GOLM1: variants seen among roughly 807,000 people sequenced by gnomAD.
GOLM1 encodes golgi membrane protein 1.
A neutral mutation model predicts 50.5 loss-of-function variants in GOLM1; 31 were observed. The observed-to-expected ratio is 0.61, with a 90% CI of 0.46 to 0.83. The LOEUF (loss-of-function observed/expected upper bound fraction) is 0.83. Ranked by LOEUF, GOLM1 falls within the 40% of genes least tolerant of loss-of-function variation. The pLI is 0.00. For missense variants in GOLM1, 491 were observed against 501.3 expected, an observed-to-expected ratio of 0.98 and a Z score of 0.20; for synonymous variants, 178 against 192.8, an observed-to-expected ratio of 0.92 and a Z score of 0.64.
intron 3 of GOLM1, among the ~76,000 whole-genome samples, chr9:86,061,135 C>T (rs1315972768): frequency 1.3e-5 from 2 of 152,170 alleles, no homozygotes; most frequent in African/African-American, 4.8e-5. Flanking sequence ...CACTGGGTCA[C>T]TCTGTCTACC....
chr9:86,083,853 A>G (rs1834866207), intron 1 of GOLM1, among the ~76,000 whole-genome samples: 2 of 152,202 alleles, frequency 1.3e-5, no homozygotes, highest in Admixed American at 6.5e-5. Flanking sequence ...CTTTTCCAGC[A>G]ACAAAACCTG....
At chr9:86,079,109 C>T in intron 2 of GOLM1, 83 bp downstream of exon 2, 1 of 1,294,270 alleles carries the variant, frequency 7.7e-7, no homozygotes. Context: ...TGGCAATAAA[C>T]AACAAACCCC....
At chr9:86,058,560 GT>G (rs1274702189) in intron 3 of GOLM1, among the ~76,000 whole-genome samples, 1 of 151,956 alleles carries the variant, frequency 6.6e-6, no homozygotes, top group African/African-American at 2.4e-5. Flanking sequence ...GCCAGGCATG[GT>G]GGTATGTGCC....
At chr9:86,079,071 G>C in intron 2 of GOLM1, 121 bp downstream of exon 2, 1 of 838,946 alleles carries the variant, frequency 1.2e-6, no homozygotes, top group Non-Finnish European at 1.8e-6. Flanking sequence ...CACCTTACAA[G>C]CGTGTGCCCT....
intron 1 of GOLM1, among the ~76,000 whole-genome samples, chr9:86,092,086 C>T (rs1046708975): frequency 6.6e-6 from 1 of 152,196 alleles, no homozygotes; most frequent in Admixed American, 6.5e-5. Flanking sequence ...ACCCCACAAC[C>T]ATGTCTGACC....
rs567536583 is a variant in GOLM1 at position 86,098,842 on chromosome 9, C to T, written c.-22+569G>A. Reference sequence around the variant, plus strand: ...ACGGGATGCAGCCGCGCTCTGGACGCGCGGCGGGAGGACCCGGAGCCCAAG... The same window carrying T: ...ACGGGATGCAGCCGCGCTCTGGACGTGCGGCGGGAGGACCCGGAGCCCAAG... On this transcript the variant is annotated intron_variant, in intron 1 of 9. Coordinates refer to ENST00000388712, the MANE Select transcript of GOLM1 (RefSeq NM_016548.4). Among the ~76,000 whole-genome samples the T allele has an allele frequency of 3.1e-3, 466 of 152,276 alleles. 3 individuals are homozygous for T. The highest frequency in any genetic ancestry group is 6.6e-3 in the Admixed American group (101 of 15,308).
intron 6 of GOLM1, among the ~76,000 whole-genome samples, chr9:86,038,870 T>G (rs976420190): frequency 1.3e-4 from 20 of 152,076 alleles, no homozygotes; most frequent in African/African-American, 4.8e-4. Context: ...ACAGTAAATC[T>G]TCAAGATCTT....
Position 86,035,517 on chromosome 9 carries a change from C to T in GOLM1, c.866G>A (p.Gly289Asp). The T allele has an allele frequency of 6.2e-7, 1 of 1,612,616 alleles. No individual in the cohort carries two copies. Among genetic ancestry groups the T allele is most frequent in the Non-Finnish European group, 8.5e-7 (1 of 1,179,998 alleles). The change falls in exon 8 of 10, where the codon GGC becomes GAC. Residue 289 changes from glycine to aspartate, a missense_variant. Coordinates refer to ENST00000388712, the MANE Select transcript of GOLM1 (RefSeq NM_016548.4). ...GCCCAGTTCTCCGGCTCCCCCGAAGCCTCTTCCACCTACAGGTCTGTCTTC... is the reference window on the plus strand; with the variant it reads ...GCCCAGTTCTCCGGCTCCCCCGAAGTCTCTTCCACCTACAGGTCTGTCTTC... ...VVEDRPVGGR[G>D]FGGAGELGQT... is the part of the protein sequence containing the mutation.
chr9:86,078,479 G>A (rs1009048090), intron 2 of GOLM1, among the ~76,000 whole-genome samples: 1 of 152,126 alleles, frequency 6.6e-6, no homozygotes, highest in African/African-American at 2.4e-5. Context: ...CACAGGCCAA[G>A]GACTTAGACA....
At chr9:86,052,613 A>G in intron 3 of GOLM1, 22 bp from the exon 4 acceptor site, 1 of 1,609,222 alleles carries the variant, frequency 6.2e-7, no homozygotes, top group East Asian at 2.2e-5. Flanking sequence ...ATAAACTCGC[A>G]TGAAACACCC....
At chr9:86,044,806 A>T (rs1463652461) in intron 5 of GOLM1, among the ~76,000 whole-genome samples, 2 of 151,920 alleles carry the variant, frequency 1.3e-5, no homozygotes, top group Non-Finnish European at 2.9e-5. Flanking sequence ...ACAAAAATTA[A>T]CCAGGTGTGG....
chr9:86,056,824 A>G (rs1834007351), intron 3 of GOLM1, among the ~76,000 whole-genome samples: 2 of 151,346 alleles, frequency 1.3e-5, no homozygotes, highest in South Asian at 4.2e-4. Context: ...TTTTTAAGAG[A>G]CAGTCTCACT....
At chr9:86,071,398 G>C (rs761291844) in intron 3 of GOLM1, among the ~76,000 whole-genome samples, 2 of 152,008 alleles carry the variant, frequency 1.3e-5, no homozygotes, top group African/African-American at 2.4e-5. Context: ...AACAATGGTG[G>C]TCAGGCATGG....
chr9:86,033,271 C>T lies in GOLM1; in HGVS notation c.1129+11G>A, dbSNP rs1833037351. On this transcript the variant is annotated intron_variant, in intron 9 of 9. Coordinates refer to ENST00000388712, the MANE Select transcript of GOLM1 (RefSeq NM_016548.4). The stretch of plus-strand genomic sequence containing the variant: ...AGGTGACCTCGTCACCGATGTAGGC[C>T]CCATTCTTACCATCTATGTTTCTGT... 2.1e-6 allele frequency: 3 copies of T among 1,432,830 alleles called. No homozygotes were observed. The highest frequency in any genetic ancestry group is 1.7e-5 in the Admixed American group (1 of 59,762). 88.8% of individuals were successfully genotyped at this position (1,432,830 alleles called of 1,614,324 possible).
At chr9:86,046,843 G>T (rs1190840225) in intron 4 of GOLM1, among the ~76,000 whole-genome samples, 1 of 152,164 alleles carries the variant, frequency 6.6e-6, no homozygotes, top group African/African-American at 2.4e-5. Context: ...CTTTTTGGCC[G>T]CTAGCCTTTA....
chr9:86,026,587 C>G lies in GOLM1; in HGVS notation c.*1230G>C, dbSNP rs549592571. 25 of 966,110 alleles carry G rather than the reference C, an allele frequency of 2.6e-5. No homozygotes were observed. In the South Asian group the frequency reaches 1.2e-3, roughly 44 times the overall value. The allele number at this position is 966,110 out of a possible 1,614,324, so 59.8% of individuals were successfully genotyped here. On this transcript the variant is annotated 3_prime_UTR_variant, in exon 10 of 10. Transcript: ENST00000388712. ...TCTCTGGGGCCTTAGCATCTCAAAT[C>G]CTGTGGATCCTCCTACTTACCCCTT... is the stretch of plus-strand genomic sequence containing the variant.
intron 3 of GOLM1, among the ~76,000 whole-genome samples, chr9:86,067,909 G>A (rs1834349886): frequency 1.3e-5 from 2 of 152,114 alleles, no homozygotes; most frequent in South Asian, 2.1e-4. Context: ...AGGAGGCTGA[G>A]GCAGGAGAAT....
chr9:86,060,442 C>T (rs1330400402), intron 3 of GOLM1, among the ~76,000 whole-genome samples: 5 of 152,152 alleles, frequency 3.3e-5, no homozygotes, highest in Non-Finnish European at 7.4e-5. Flanking sequence ...CTCCCAAATG[C>T]TTCATGCCTA....
intron 8 of GOLM1, 22 bp from the exon 9 acceptor site, chr9:86,033,417 C>G (rs1439074810): frequency 7.3e-7 from 1 of 1,361,092 alleles, no homozygotes; most frequent in African/African-American, 1.4e-5. Context: ...GCACATAAAA[C>G]ATAAGCTACA....
Sources: gnomAD v4.1 joint callset for allele counts (sites outside exome capture counted in the v4.1 genomes callset) on GRCh38, gnomAD v4.1.1 for gene constraint, MANE v1.5 for transcripts, NCBI Gene and HGNC (gene_info 2026-07-23, HGNC 2026-07-21) for gene names.